MLC1: variants seen among roughly 807,000 people sequenced by gnomAD.
The protein encoded by MLC1 is modulator of VRAC current 1.
MLC1 carries 32 observed loss-of-function variants against 44.7 expected under a neutral mutation model. The observed-to-expected ratio is 0.72, with a 90% CI of 0.54 to 0.96. The LOEUF (loss-of-function observed/expected upper bound fraction) is 0.96. MLC1 is among the 40% of genes least tolerant of loss of function. MLC1 has a pLI of 0.00. For synonymous variants in MLC1, 190 were observed against 213.0 expected, an observed-to-expected ratio of 0.89 and a Z score of 0.94; for missense variants, 459 against 492.2, an observed-to-expected ratio of 0.93 and a Z score of 0.64.
intron 11 of MLC1, among the ~76,000 whole-genome samples, chr22:50,061,876 C>T (rs981057687): frequency 5.3e-5 from 8 of 152,206 alleles, no homozygotes; most frequent in African/African-American, 7.2e-5. Flanking sequence ...CCCGCACACA[C>T]GGTTTCTACC....
chr22:50,077,276 G>T, intron 6 of MLC1, 125 bp downstream of exon 6: 1 of 874,012 alleles, frequency 1.1e-6, no homozygotes, highest in Non-Finnish European at 1.8e-6. Context: ...GGAGAGAGGG[G>T]TCTCATGGGA....
chr22:50,067,206 CG>C lies in MLC1; in HGVS notation c.894+1226del, dbSNP rs574714555. The stretch of plus-strand genomic sequence containing the variant: ...GAGAAGTGAAGAAAAAACCCTGGGC[CG>C]GGTGTTGTAGCTCACTCCTGTAATC... On this transcript the variant is annotated intron_variant, in intron 10 of 11. Transcript: ENST00000311597. Among the ~76,000 whole-genome samples, 112 of 152,176 alleles carry C rather than the reference CG, an allele frequency of 7.4e-4. 1 individual carries two copies. The highest frequency in any genetic ancestry group is 4.6e-4 in the Non-Finnish European group (31 of 67,984).
At chr22:50,065,842 C>G (rs1457160129) in intron 10 of MLC1, among the ~76,000 whole-genome samples, 3 of 152,188 alleles carry the variant, frequency 2.0e-5, no homozygotes, top group African/African-American at 7.2e-5. Flanking sequence ...CCTAAAGATG[C>G]GCTGAGGATT....
At chr22:50,067,623 GTGACTCCATCCCCCA>G in intron 10 of MLC1, among the ~76,000 whole-genome samples, 1 of 65,396 alleles carries the variant, frequency 1.5e-5, no homozygotes, top group Non-Finnish European at 2.7e-5. Context: ...TCCCCCATCA[GTGACTCCATCCCCCA>G]TCAGACAGTG....
intron 10 of MLC1, among the ~76,000 whole-genome samples, chr22:50,065,152 C>T (rs1170584555): frequency 6.6e-6 from 1 of 152,154 alleles, no homozygotes; most frequent in Non-Finnish European, 1.5e-5. Flanking sequence ...CTCCTAACCT[C>T]AGGTGATCTG....
chr22:50,066,965 CT>C (rs2061715209), intron 10 of MLC1, among the ~76,000 whole-genome samples: 1 of 152,196 alleles, frequency 6.6e-6, no homozygotes, highest in Admixed American at 6.5e-5. Context: ...AAGGGGCCGA[CT>C]TCGATGGCGT....
chr22:50,068,438 T>A lies in MLC1; in HGVS notation c.889A>T (p.Ile297Leu). ...VEMFKDYPPA[I>L]KPSYDVLLLL... ...TGAAATAAAATACAACTCACTTTTA[T>A]GGCTGGCGGGTAATCCTTAAACATC... Residue 297 changes from isoleucine to leucine, a missense_variant, in exon 10 of 12, where the codon ATA becomes TTA. Coordinates refer to ENST00000311597, the MANE Select transcript of MLC1 (RefSeq NM_015166.4). 1 of 1,613,726 alleles carries A rather than the reference T, an allele frequency of 6.2e-7. No homozygotes were observed. Among genetic ancestry groups the A allele is most frequent in the South Asian group, 1.1e-5 (1 of 91,076 alleles).
In MLC1 at chr22:50,081,007, A is replaced by AAAAAAGAAAGAAAGAAAGAAAGAAAG. The variant is rs1569250721; in HGVS notation, c.268-636_268-611dup. ...GGTGATAGAGTGAGACCTTGTCTCA[A>AAAAAAGAAAGAAAGAAAGAAAGAAAG]AAAAAGAAAGAAAGAAAGAAAGAAA... On this transcript the variant is annotated intron_variant, in intron 3 of 11. Coordinates refer to ENST00000311597, the MANE Select transcript of MLC1 (RefSeq NM_015166.4). Among the ~76,000 whole-genome samples, 49 of 127,934 alleles carry AAAAAAGAAAGAAAGAAAGAAAGAAAG rather than the reference A, an allele frequency of 3.8e-4. 1 individual carries two copies. The highest frequency in any genetic ancestry group is 7.1e-4 in the Non-Finnish European group (40 of 56,552). 83.9% of individuals were successfully genotyped at this position (127,934 alleles called of 152,430 possible).
chr22:50,073,243 A>G (rs1222534592), intron 8 of MLC1, among the ~76,000 whole-genome samples: 1 of 152,250 alleles, frequency 6.6e-6, no homozygotes, highest in Non-Finnish European at 1.5e-5. Context: ...ATTCCTGCTC[A>G]TGTACATAAG....
intron 3 of MLC1, among the ~76,000 whole-genome samples, chr22:50,082,327 C>G (rs1330367744): frequency 6.6e-6 from 1 of 152,220 alleles, no homozygotes; most frequent in African/African-American, 2.4e-5. Flanking sequence ...TGCCGGGACG[C>G]TGGGGAGGCA....
At chr22:50,072,391 G>A (rs1472140689) in intron 8 of MLC1, among the ~76,000 whole-genome samples, 1 of 152,252 alleles carries the variant, frequency 6.6e-6, no homozygotes, top group African/African-American at 2.4e-5. Context: ...CCAGACTCAG[G>A]CAGGTGGAGC....
chr22:50,077,557 G>A (rs1320644927), intron 5 of MLC1, 55 bp from the exon 6 acceptor site: 13 of 1,434,022 alleles, frequency 9.1e-6, no homozygotes, highest in South Asian at 3.5e-5. Flanking sequence ...ACGCCACCGC[G>A]CTTCAGCGTC....
chr22:50,075,020 G>A lies in MLC1; in HGVS notation c.598-688C>T, dbSNP rs199697346. Among the ~76,000 whole-genome samples the A allele has an allele frequency of 3.7e-4, 57 of 152,314 alleles. 1 individual carries two copies. Among genetic ancestry groups the A allele is most frequent in the Admixed American group, 2.9e-3 (45 of 15,294 alleles). On this transcript the variant is annotated intron_variant, in intron 7 of 11. Transcript: ENST00000311597. Reference sequence around the variant, plus strand: ...AGCTGCTGTCTGTCACCTCCAGCTCGCCCTTGAATTCTTTCCTGGACAAAG... The same window carrying A: ...AGCTGCTGTCTGTCACCTCCAGCTCACCCTTGAATTCTTTCCTGGACAAAG...
intron 10 of MLC1, among the ~76,000 whole-genome samples, 192 bp from the exon 11 acceptor site, chr22:50,064,390 T>C (rs778044020): frequency 2.6e-4 from 39 of 152,230 alleles, no homozygotes; most frequent in Admixed American, 1.4e-3. Context: ...AGGTCAATTC[T>C]GCTTTAAATT....
At chr22:50,077,067 A>G (rs963364746) in intron 6 of MLC1, among the ~76,000 whole-genome samples, 155 bp from the exon 7 acceptor site, 17 of 152,222 alleles carry the variant, frequency 1.1e-4, no homozygotes, top group African/African-American at 4.1e-4. Flanking sequence ...GCTTGAGGAA[A>G]TGTTCACACA....
intron 3 of MLC1, among the ~76,000 whole-genome samples, chr22:50,082,608 C>G (rs1039562726): frequency 3.9e-5 from 6 of 152,232 alleles, no homozygotes; most frequent in African/African-American, 1.4e-4. Context: ...CAGTAATTCT[C>G]AAAGGTGATG....
chr22:50,068,315 C>T, intron 10 of MLC1, 118 bp downstream of exon 10: 4 of 1,414,524 alleles, frequency 2.8e-6, no homozygotes, highest in Admixed American at 3.5e-5. Flanking sequence ...GGAGGAGGTG[C>T]CTCCTGGAGC....
At position 50,083,147 on chromosome 22, in the gene MLC1, A is replaced by C; in HGVS notation, c.204T>G (p.Phe68Leu). 6.2e-7 allele frequency: 1 copy of C among 1,614,114 alleles called. No homozygotes were observed. Among genetic ancestry groups the C allele is most frequent in the Non-Finnish European group, 8.5e-7 (1 of 1,179,996 alleles). Residue 68 changes from phenylalanine (F) to leucine (L), a missense_variant, in exon 3 of 12, where the codon TTT becomes TTG. Phe to Leu is a conservative substitution (Grantham distance 22). Coordinates refer to ENST00000311597, the MANE Select transcript of MLC1 (RefSeq NM_015166.4). This position sits in a 1 kb window ranked among gnomAD's most constrained non-coding sequence, Gnocchi z 4.6. ...GGAACACGTTCCCCAGGTACAGCGA[A>C]AACCCCGAGGTCACCAGGAGGCAGC... ...MGSCLLVTSG[F>L]SLYLGNVFPA...
Position 50,068,552 on chromosome 22 carries a change from C to T in MLC1, c.775G>A (p.Glu259Lys), listed in dbSNP as rs376323039. The change falls in exon 10 of 12, where the codon GAG becomes AAG. Residue 259 changes from glutamate to lysine, a missense_variant. Physicochemically the swap from Glu to Lys is moderately conservative, Grantham distance 56 (BLOSUM62 1). Transcript: ENST00000311597. ...AAECPSKCLVEVLIAISSLTS... is the reference protein window; with the variant it reads ...AAECPSKCLVKVLIAISSLTS... ...AGGCTGCTTATGGCAATCAGGACCTCCACCTGGAAAAAAAGCGCGGGTTGC... is the reference window on the plus strand; with the variant it reads ...AGGCTGCTTATGGCAATCAGGACCTTCACCTGGAAAAAAAGCGCGGGTTGC... 1.2e-6 allele frequency: 2 copies of T among 1,613,212 alleles called. No homozygotes were observed. Among genetic ancestry groups the T allele is most frequent in the Non-Finnish European group, 1.7e-6 (2 of 1,179,556 alleles).
Sources: gnomAD v4.1 joint callset for allele counts (sites outside exome capture counted in the v4.1 genomes callset) on GRCh38, gnomAD v4.1.1 for gene constraint, Gnocchi (gnomAD v3.1) non-coding constraint, MANE v1.5 for transcripts, NCBI Gene and HGNC (gene_info 2026-07-23, HGNC 2026-07-21) for gene names.